PCDHA1: variants seen among roughly 807,000 people sequenced by gnomAD.
PCDHA1 encodes protocadherin alpha-1.
PCDHA1 carries 42 observed loss-of-function variants against 61.3 expected under a neutral mutation model. The ratio of observed to expected loss-of-function variants is 0.69; its 90% CI spans 0.54 to 0.89. The LOEUF is 0.89. PCDHA1 is among the 40% of genes least tolerant of loss of function. The pLI is 0.00. For missense variants in PCDHA1, 1,256 were observed against 1,235.3 expected, an observed-to-expected ratio of 1.02 and a Z score of -0.25; for synonymous variants, 610 against 553.8, an observed-to-expected ratio of 1.10 and a Z score of -1.43.
rs115221257 is a variant in PCDHA1 at position 140,951,407 on chromosome 5, A to G, written c.2395-27542A>G. On this transcript the variant is annotated intron_variant, in intron 1 of 3. Transcript: ENST00000504120. ...GGTAATTTATAAAGAAAAGAGGTTTAATTGGCTCACAGTTCCACAGGCTGT... is the reference window on the plus strand; with the variant it reads ...GGTAATTTATAAAGAAAAGAGGTTTGATTGGCTCACAGTTCCACAGGCTGT... Among the ~76,000 whole-genome samples the G allele has an allele frequency of 4.7e-3, 715 of 152,182 alleles. 3 individuals are homozygous for G. Among genetic ancestry groups the G allele is most frequent in the African/African-American group, 0.015 (625 of 41,530 alleles).
chr5:140,968,022 A>G (rs782399233), intron 1 of PCDHA1: 3 of 1,614,142 alleles, frequency 1.9e-6, no homozygotes, highest in South Asian at 2.2e-5. Flanking sequence ...GGAAACTCCT[A>G]TACACTGGTG....
chr5:140,923,245 G>T (rs1584300888), intron 1 of PCDHA1, among the ~76,000 whole-genome samples: 3 of 152,190 alleles, frequency 2.0e-5, no homozygotes, highest in East Asian at 1.9e-4. Context: ...TTTGAGACCA[G>T]CTGGGCAACA....
chr5:140,870,083 C>G, intron 1 of PCDHA1: 1 of 1,613,848 alleles, frequency 6.2e-7, no homozygotes, highest in Admixed American at 1.7e-5. Flanking sequence ...AAGGGGACTC[C>G]CCCAATGGCA....
intron 3 of PCDHA1, among the ~76,000 whole-genome samples, chr5:140,997,635 A>C (rs1317325954): frequency 6.6e-6 from 1 of 151,942 alleles, no homozygotes; most frequent in Non-Finnish European, 1.5e-5. Context: ...CAAAAAGCAA[A>C]ATGGGATAAT....
chr5:140,929,715 T>A, intron 1 of PCDHA1: 1 of 230,486 alleles, frequency 4.3e-6, no homozygotes, highest in East Asian at 9.8e-5. Flanking sequence ...ATATGGAAGG[T>A]GAAACATTTA....
intron 1 of PCDHA1, chr5:140,796,956 C>T (rs781895876): frequency 6.2e-7 from 1 of 1,613,830 alleles, no homozygotes; most frequent in African/African-American, 1.3e-5. Context: ...CCACGGCCAC[C>T]GTGTTAGTGT....
chr5:140,864,396 G>A (rs2048459702), intron 1 of PCDHA1: 1 of 152,210 alleles, frequency 6.6e-6, no homozygotes, highest in Non-Finnish European at 1.5e-5. Context: ...CACAAATGGT[G>A]ATGAGCAGGG....
intron 1 of PCDHA1, among the ~76,000 whole-genome samples, chr5:140,920,281 A>G (rs1227812998): frequency 6.6e-6 from 1 of 152,176 alleles, no homozygotes; most frequent in Admixed American, 6.5e-5. Flanking sequence ...GTAATCTTAT[A>G]TTTTTTAGAG....
intron 1 of PCDHA1, chr5:140,871,068 G>GC (rs782196824): frequency 1.2e-6 from 2 of 1,613,112 alleles, no homozygotes; most frequent in African/African-American, 2.7e-5. Flanking sequence ...ATCACGGTGA[G>GC]CCGGCGCTGA....
At chr5:140,881,191 T>C (rs564115136) in intron 1 of PCDHA1, 2 of 170,408 alleles carry the variant, frequency 1.2e-5, no homozygotes, top group African/African-American at 4.8e-5. Context: ...AAAGATATGT[T>C]AACATCTTTG....
At chr5:140,871,809 A>G (rs1489306606) in intron 1 of PCDHA1, among the ~76,000 whole-genome samples, 1 of 152,260 alleles carries the variant, frequency 6.6e-6, no homozygotes. Flanking sequence ...TATTTTCACT[A>G]AAGTACCCAT....
intron 3 of PCDHA1, among the ~76,000 whole-genome samples, chr5:141,007,031 T>C (rs1554261019): frequency 6.6e-6 from 1 of 152,144 alleles, no homozygotes; most frequent in African/African-American, 2.4e-5. Flanking sequence ...ATGGTATTTA[T>C]ATCTATGGAT....
intron 1 of PCDHA1, chr5:140,796,267 C>T (rs1554119803): frequency 6.2e-7 from 1 of 1,614,124 alleles, no homozygotes; most frequent in Non-Finnish European, 8.5e-7. Context: ...CTCGCCTTCA[C>T]TGTGGGCCAC....
At chr5:140,951,407 A>C (rs115221257) in intron 1 of PCDHA1, among the ~76,000 whole-genome samples, 1 of 152,068 alleles carries the variant, frequency 6.6e-6, no homozygotes, top group Admixed American at 6.6e-5. Flanking sequence ...AAAGAGGTTT[A>C]ATTGGCTCAC....
In PCDHA1 at chr5:140,876,137, T is replaced by TA. The variant is rs781824852; in HGVS notation, c.2394+87455dup. The TA allele has an allele frequency of 1.3e-5, 21 of 1,613,798 alleles. No individual in the cohort carries two copies. The Middle Eastern group carries it at 4.9e-4, about 38-fold the overall frequency. On this transcript the variant is annotated intron_variant, in intron 1 of 3. Coordinates refer to ENST00000504120, the MANE Select transcript of PCDHA1 (RefSeq NM_018900.4). Reference sequence around the variant, plus strand: ...GTAATCGATGGCGGTAAACCAGAACTAACAGGGTCTGTCCAGATTCAAATA... The same window carrying TA: ...GTAATCGATGGCGGTAAACCAGAACTAAACAGGGTCTGTCCAGATTCAAATA...
chr5:140,850,243 G>T lies in PCDHA1; in HGVS notation c.2394+61559G>T, dbSNP rs2150475215. 2 of 1,593,880 alleles carry T rather than the reference G, an allele frequency of 1.3e-6. No homozygotes were observed. The highest frequency in any genetic ancestry group is 1.3e-5 in the African/African-American group (1 of 74,400). ...GGCGCAGTGAGCGAGATGGTGCTGC[G>T]GTCGGTGGGCGCCGGCGTAGTGGTG... On this transcript the variant is annotated intron_variant, in intron 1 of 3. Transcript: ENST00000504120.
chr5:140,852,691 T>A, intron 1 of PCDHA1: 2 of 974,798 alleles, frequency 2.1e-6, no homozygotes, highest in Non-Finnish European at 2.5e-6. Flanking sequence ...TATAGTCTTA[T>A]ACTTTCAAGT....
At chr5:140,891,246 A>AT (rs1213637493) in intron 1 of PCDHA1, among the ~76,000 whole-genome samples, 11 of 151,766 alleles carry the variant, frequency 7.2e-5, no homozygotes, top group South Asian at 2.1e-4. Context: ...ATTCAGTAGG[A>AT]TTTTTTTTAA....
intron 1 of PCDHA1, among the ~76,000 whole-genome samples, chr5:140,899,599 C>G (rs535938234): frequency 2.0e-5 from 3 of 152,232 alleles, no homozygotes; most frequent in South Asian, 4.2e-4. Context: ...TTATTGAGGA[C>G]TTTTGCATCA....
Sources: gnomAD v4.1 joint callset for allele counts (sites outside exome capture counted in the v4.1 genomes callset) on GRCh38, gnomAD v4.1.1 for gene constraint, MANE v1.5 for transcripts, NCBI Gene and HGNC (gene_info 2026-07-23, HGNC 2026-07-21) for gene names.